FAIM: variants seen among roughly 807,000 people sequenced by gnomAD.
FAIM encodes Fas apoptotic inhibitory molecule, also known as fas apoptotic inhibitory molecule 1.
A neutral mutation model predicts 21.2 loss-of-function variants in FAIM; 14 were observed. The observed-to-expected ratio is 0.66, with a 90% CI of 0.44 to 1.03. The LOEUF (loss-of-function observed/expected upper bound fraction) is 1.03. Ranked by LOEUF, FAIM falls within the 50% of genes least tolerant of loss-of-function variation. The pLI, the probability that FAIM is intolerant of heterozygous loss-of-function variation, is 0.00. For missense variants in FAIM, 222 were observed against 247.1 expected (o/e 0.90, Z 0.68); for synonymous variants, 86 against 80.4 (o/e 1.07, Z -0.37).
rs984645021 is a variant in FAIM at position 138,633,140 on chromosome 3, G to A, written c.*61G>A. 23 of 1,473,926 alleles carry A rather than the reference G, an allele frequency of 1.6e-5. No homozygotes were observed. The highest frequency in any genetic ancestry group is 2.1e-5 in the Non-Finnish European group (22 of 1,067,958). The allele number at this position is 1,473,926 out of a possible 1,614,324, so 91.3% of individuals were successfully genotyped here. ...TTTAATTACTGTGGTAATTAAATGT[G>A]TTCAGTATGTACTTATCAGTACATT... On this transcript the variant is annotated 3_prime_UTR_variant, in exon 6 of 6. Transcript: ENST00000360570.
chr3:138,618,030 G>A (rs557495489), intron 1 of FAIM, among the ~76,000 whole-genome samples: 5 of 150,194 alleles, frequency 3.3e-5, no homozygotes, highest in East Asian at 1.9e-4. Context: ...GCTGGAGTGC[G>A]GTGGCATGAT....
Position 138,608,869 on chromosome 3 carries a change from G to C in FAIM, c.-85G>C, listed in dbSNP as rs550678636. ...GGAGCAAGGCCACGCGGCCTACGCA[G>C]CCGAGTCGGAACCAACCGGTTGTTT... is the stretch of plus-strand genomic sequence containing the variant. On this transcript the variant is annotated 5_prime_UTR_variant, in exon 1 of 6. Transcript: ENST00000360570. The C allele has an allele frequency of 2.6e-5, 4 of 152,548 alleles. No individual in the cohort carries two copies. The South Asian group carries it at 8.3e-4, about 32-fold the overall frequency. 9.4% of individuals were successfully genotyped at this position (152,548 alleles called of 1,614,324 possible).
intron 4 of FAIM, 70 bp downstream of exon 4, chr3:138,622,486 A>G (rs2042899048): frequency 1.0e-6 from 1 of 982,398 alleles, no homozygotes; most frequent in Non-Finnish European, 1.5e-6. Context: ...CTGTAACTGT[A>G]TTCAGACCTT....
intron 5 of FAIM, chr3:138,630,565 T>C (rs600590): frequency 0.61 from 93,285 of 152,106 alleles, 29,395 homozygotes; most frequent in East Asian, 0.99. Flanking sequence ...GCTTGAGCTG[T>C]TCTCTGGGTT....
At chr3:138,620,263 G>T (rs969099553) in intron 2 of FAIM, among the ~76,000 whole-genome samples, 2 of 152,064 alleles carry the variant, frequency 1.3e-5, no homozygotes, top group African/African-American at 4.8e-5. Context: ...GTGATTCTAT[G>T]AGTTAATATA....
At chr3:138,609,571 T>C (rs1472887672) in intron 1 of FAIM, among the ~76,000 whole-genome samples, 78 of 92,854 alleles carry the variant, frequency 8.4e-4, no homozygotes, top group African/African-American at 2.6e-3. Context: ...TCTCTCTCTC[T>C]CTCTCGACTC....
intron 1 of FAIM, among the ~76,000 whole-genome samples, chr3:138,618,447 A>C (rs928939906): frequency 1.2e-4 from 18 of 152,272 alleles, no homozygotes; most frequent in African/African-American, 4.3e-4. Flanking sequence ...CAGGTGGATC[A>C]CTTGAGACCA....
At chr3:138,609,649 C>T (rs1415272941) in intron 1 of FAIM, among the ~76,000 whole-genome samples, 1 of 135,388 alleles carries the variant, frequency 7.4e-6, no homozygotes, top group African/African-American at 2.8e-5. Flanking sequence ...CTCGACTGTA[C>T]ATTCCTGTGT....
At chr3:138,618,208 A>G (rs147436964) in intron 1 of FAIM, among the ~76,000 whole-genome samples, 295 of 152,072 alleles carry the variant, frequency 1.9e-3, no homozygotes, top group African/African-American at 6.8e-3. Flanking sequence ...CTCTGGTTTC[A>G]TAGGGGATAA....
chr3:138,616,479 C>G (rs192549756), intron 1 of FAIM, among the ~76,000 whole-genome samples: 1 of 152,038 alleles, frequency 6.6e-6, no homozygotes, highest in Non-Finnish European at 1.5e-5. Flanking sequence ...CCCCTAGAAT[C>G]GAGCGATCCT....
At chr3:138,627,195 T>C (rs980474820) in intron 4 of FAIM, among the ~76,000 whole-genome samples, 1 of 151,886 alleles carries the variant, frequency 6.6e-6, no homozygotes, top group African/African-American at 2.4e-5. Context: ...TTTTTTTTTT[T>C]TCCCAAGACA....
rs370085962 is a variant in FAIM at position 138,612,873 on chromosome 3, C to G, written c.-17+3936C>G. On this transcript the variant is annotated intron_variant, in intron 1 of 5. Transcript: ENST00000360570. ...TTCTGTTTATTTTTAGTATAGCCAT[C>G]CTAGTAGATGTGAAGTTGTATTTCA... 5.3e-5 allele frequency among the ~76,000 whole-genome samples: 8 copies of G among 152,292 alleles called. No homozygotes were observed. In the South Asian group the frequency reaches 1.7e-3, roughly 32 times the overall value.
chr3:138,621,667 TTG>T, intron 3 of FAIM, 128 bp downstream of exon 3: 1 of 763,612 alleles, frequency 1.3e-6, no homozygotes, highest in Non-Finnish European at 2.0e-6. Flanking sequence ...CTGTATCATT[TTG>T]CTGTGTAAAG....
chr3:138,612,646 A>G (rs1055764493), intron 1 of FAIM, among the ~76,000 whole-genome samples: 4 of 152,216 alleles, frequency 2.6e-5, no homozygotes, highest in Admixed American at 2.6e-4. Context: ...AATGAACAAT[A>G]GTATACAGGT....
intron 1 of FAIM, among the ~76,000 whole-genome samples, chr3:138,619,369 A>G (rs2042860843): frequency 6.6e-6 from 1 of 152,176 alleles, no homozygotes; most frequent in South Asian, 2.1e-4. Context: ...AAAGCATAGG[A>G]CCCAGAGGAT....
intron 5 of FAIM, among the ~76,000 whole-genome samples, chr3:138,631,895 G>A (rs1228695928): frequency 5.9e-5 from 9 of 152,076 alleles, no homozygotes; most frequent in African/African-American, 1.9e-4. Context: ...CCCAGAGCTA[G>A]GAAAAGGCTT....
At chr3:138,609,578 A>ATCTCTCTCTCCCT (rs2042739659) in intron 1 of FAIM, among the ~76,000 whole-genome samples, 1 of 4,700 alleles carries the variant, frequency 2.1e-4, no homozygotes, top group African/African-American at 8.6e-4. Context: ...CTCTCTCTCG[A>ATCTCTCTCTCCCT]CTCTCTCTCT....
intron 1 of FAIM, among the ~76,000 whole-genome samples, chr3:138,611,499 T>G (rs1472704245): frequency 6.6e-6 from 1 of 152,194 alleles, no homozygotes; most frequent in Non-Finnish European, 1.5e-5. Context: ...GCCAAACTTT[T>G]CAATACCTTA....
At chr3:138,623,694 T>C (rs937800188) in intron 4 of FAIM, among the ~76,000 whole-genome samples, 6 of 152,232 alleles carry the variant, frequency 3.9e-5, no homozygotes, top group South Asian at 2.1e-4. Flanking sequence ...ACAACAATAT[T>C]CTTGGAAGTC....
Sources: allele counts gnomAD v4.1 joint callset (sites outside exome capture counted in the v4.1 genomes callset), GRCh38; gene constraint gnomAD v4.1.1; transcripts MANE v1.5; gene names NCBI Gene and HGNC (gene_info 2026-07-23, HGNC 2026-07-21).